SLC29A3: variants seen among roughly 807,000 people sequenced by gnomAD.
SLC29A3 encodes the protein solute carrier family 29 member 3.
SLC29A3 carries 18 observed loss-of-function variants against 25.4 expected under a neutral mutation model. That is an observed-to-expected ratio of 0.71 (90% CI 0.49 to 1.05). SLC29A3 has a LOEUF of 1.05. SLC29A3 is among the 50% of genes least tolerant of loss of function. The pLI is 0.00. For missense variants in SLC29A3, 586 were observed against 609.0 expected (o/e 0.96, Z 0.40); for synonymous variants, 258 against 267.1 (o/e 0.97, Z 0.33).
chr10:71,367,240 C>T (rs967899946), downstream of SLC29A3, among the ~76,000 whole-genome samples: 2 of 152,170 alleles, frequency 1.3e-5, no homozygotes, highest in African/African-American at 4.8e-5. Flanking sequence ...AAGTTGCACC[C>T]AGTTCACCAG....
At chr10:71,377,123 G>C (rs865811321) in intron 4 of SLC29A3, among the ~76,000 whole-genome samples, 14 of 152,204 alleles carry the variant, frequency 9.2e-5, no homozygotes, top group African/African-American at 1.4e-4. Flanking sequence ...AGATGGTTAG[G>C]CTGAGGGATA....
At chr10:71,377,803 T>C (rs974646746) in intron 4 of SLC29A3, among the ~76,000 whole-genome samples, 1 of 152,060 alleles carries the variant, frequency 6.6e-6, no homozygotes, top group Non-Finnish European at 1.5e-5. Context: ...GCACTTACTG[T>C]CGGCCTGGCT....
chr10:71,338,080 C>G (rs1227113697), intron 2 of SLC29A3, among the ~76,000 whole-genome samples: 2 of 152,268 alleles, frequency 1.3e-5, no homozygotes. Context: ...CCTGGCACCC[C>G]TGGGCCAGGG....
intron 2 of SLC29A3, among the ~76,000 whole-genome samples, chr10:71,332,143 C>CT (rs200663755): frequency 2.2e-3 from 270 of 123,860 alleles, no homozygotes; most frequent in African/African-American, 9.6e-3. Context: ...TTTTCTTTTT[C>CT]TTTTTTTTCT....
Position 71,362,522 on chromosome 10 carries a change from G to A in SLC29A3, c.1342G>A (p.Ala448Thr), listed in dbSNP as rs1847094147. The A allele has an allele frequency of 1.2e-6, 2 of 1,614,186 alleles. No homozygotes were observed. The highest frequency in any genetic ancestry group is 3.3e-5 in the Admixed American group (2 of 60,032). ...PKIVPRELAE[A>T]TGVVMSFYVC... ...GATTGTGCCCAGGGAGCTGGCTGAG[G>A]CCACGGGAGTGGTGATGTCCTTTTA... is the stretch of plus-strand genomic sequence containing the variant. The change falls in exon 6 of 6, where the codon GCC (alanine) becomes ACC (threonine). Residue 448 changes from alanine (A) to threonine (T), a missense_variant. Physicochemically the swap from Ala to Thr is moderately conservative, Grantham distance 58 (BLOSUM62 0). Transcript: ENST00000373189.
chr10:71,365,003 C>T (rs182791169), downstream of SLC29A3: 1,676 of 152,094 alleles, frequency 0.011, 12 homozygotes, highest in Non-Finnish European at 0.016. Context: ...CCGAGGCAGG[C>T]GGGCCACCTG....
intron 2 of SLC29A3, among the ~76,000 whole-genome samples, chr10:71,342,241 G>A (rs1415915995): frequency 6.6e-6 from 1 of 152,074 alleles, no homozygotes. Context: ...CAGGAATTAA[G>A]TGGTTTGTTT....
Position 71,362,123 on chromosome 10 carries a change from GTCT to G in SLC29A3, c.949_951del (p.Phe317del). ...CAGCCTGGGCTTCTGTGTCACCTAC[GTCT>G]TCTTCATCACCAGCCTCATCTACCC... On this transcript the variant is annotated inframe_deletion, in exon 6 of 6. Coordinates refer to ENST00000373189, the MANE Select transcript of SLC29A3 (RefSeq NM_018344.6). The G allele has an allele frequency of 6.2e-7, 1 of 1,613,996 alleles. No individual in the cohort carries two copies. The highest frequency in any genetic ancestry group is 1.1e-5 in the South Asian group (1 of 91,080).
chr10:71,353,382 C>T (rs183572670), intron 4 of SLC29A3, among the ~76,000 whole-genome samples: 48 of 152,256 alleles, frequency 3.2e-4, no homozygotes, highest in Non-Finnish European at 5.0e-4. Context: ...CTTCTGTCAC[C>T]GCCATCTCAG....
intron 3 of SLC29A3, among the ~76,000 whole-genome samples, chr10:71,344,722 G>A (rs1846518485): frequency 6.6e-6 from 1 of 152,228 alleles, no homozygotes. Context: ...AATGGTAAGG[G>A]CCACGAGAGG....
Position 71,352,034 on chromosome 10 carries a change from G to A in SLC29A3, c.610+246G>A, listed in dbSNP as rs867715933. On this transcript the variant is annotated intron_variant, in intron 4 of 5. Transcript: ENST00000373189. The stretch of plus-strand genomic sequence containing the variant: ...ATGGCATCAGCCAGCATAGCTCGAC[G>A]GGGAGCGGAGGATCCAGTTCCAGGT... Among the ~76,000 whole-genome samples the A allele has an allele frequency of 2.7e-4, 41 of 152,286 alleles. 1 individual carries two copies. In the South Asian group the frequency reaches 3.5e-3, roughly 13 times the overall value.
At chr10:71,361,350 C>G (rs1847047617) in intron 5 of SLC29A3, among the ~76,000 whole-genome samples, 1 of 152,098 alleles carries the variant, frequency 6.6e-6, no homozygotes, top group Non-Finnish European at 1.5e-5. Context: ...TTTGTAGAGA[C>G]AGAGTTTCAC....
chr10:71,365,873 G>A (rs546749554), downstream of SLC29A3: 4 of 152,120 alleles, frequency 2.6e-5, no homozygotes, highest in Non-Finnish European at 5.9e-5. Context: ...TTTTCAATGA[G>A]GGAGGTAGAG....
At position 71,351,523 on chromosome 10, in the gene SLC29A3, C is replaced by T. The variant is rs751403996; in HGVS notation, c.384-39C>T. 7.5e-6 allele frequency: 12 copies of T among 1,599,994 alleles called. No individual in the cohort carries two copies. In the Middle Eastern group the frequency reaches 5.0e-4, roughly 66 times the overall value. On this transcript the variant is annotated intron_variant, in intron 3 of 5. Coordinates refer to ENST00000373189, the MANE Select transcript of SLC29A3 (RefSeq NM_018344.6). ...CCAGCCCCAGCCCACACAGGAGCCC[C>T]GAAGGGGTGTCTAACTGCTTCTGGC...
At chr10:71,373,541 A>G (rs1847227205) in intron 3 of SLC29A3, among the ~76,000 whole-genome samples, 4 of 152,222 alleles carry the variant, frequency 2.6e-5, no homozygotes, top group Non-Finnish European at 2.9e-5. Context: ...TAAAATGGAG[A>G]TATTAATCCT....
At chr10:71,375,617 TA>T (rs1352134824) in intron 3 of SLC29A3, 3 of 152,018 alleles carry the variant, frequency 2.0e-5, no homozygotes, top group Non-Finnish European at 2.9e-5. Context: ...GTAAATCAAC[TA>T]AAAAAATCAA....
downstream of SLC29A3, among the ~76,000 whole-genome samples, chr10:71,366,619 C>G (rs960517863): frequency 6.7e-6 from 1 of 148,646 alleles, no homozygotes; most frequent in African/African-American, 2.5e-5. Flanking sequence ...GTATTATGAG[C>G]AAAGACCCCT....
chr10:71,339,813 C>T (rs537113659), intron 2 of SLC29A3, among the ~76,000 whole-genome samples: 5 of 152,236 alleles, frequency 3.3e-5, no homozygotes, highest in African/African-American at 9.6e-5. Context: ...TTCCAGCTGC[C>T]GTCCAAGATG....
At chr10:71,352,240 T>C (rs1386231783) in intron 4 of SLC29A3, among the ~76,000 whole-genome samples, 4 of 152,038 alleles carry the variant, frequency 2.6e-5, no homozygotes, top group Non-Finnish European at 5.9e-5. Context: ...GGCAGAAGCT[T>C]TATTTCTGAT....
Sources: allele counts gnomAD v4.1 joint callset (sites outside exome capture counted in the v4.1 genomes callset), GRCh38; gene constraint gnomAD v4.1.1; transcripts MANE v1.5; gene names NCBI Gene and HGNC (gene_info 2026-07-23, HGNC 2026-07-21).